The following MAEA variants were observed in gnomAD, a reference collection of about 807,000 sequenced individuals.
MAEA encodes macrophage erythroblast attacher, E3 ubiquitin ligase, also known as E3 ubiquitin-protein transferase MAEA.
A neutral mutation model predicts 46.2 loss-of-function variants in MAEA; 22 were observed. The observed-to-expected ratio is 0.48, with a 90% confidence interval of 0.34 to 0.68. The LOEUF is 0.68. MAEA is among the 30% of genes least tolerant of loss of function. The pLI, the probability that MAEA is intolerant of heterozygous loss-of-function variation, is 0.01. For missense variants in MAEA, 393 were observed against 558.1 expected, an observed-to-expected ratio of 0.70 and a Z score of 2.98; for synonymous variants, 246 against 222.6, an observed-to-expected ratio of 1.11 and a Z score of -0.94.
At chr4:1,328,574 A>G (rs1739137730) in intron 5 of MAEA, 6 of 1,164,948 alleles carry the variant, frequency 5.2e-6, no homozygotes, top group Middle Eastern at 2.5e-4. Context: ...TGTGTTTGCC[A>G]GGAGGGGGCA....
In MAEA at chr4:1,333,924, A is replaced by G. The variant is rs1229889065; in HGVS notation, c.765+1059A>G. On this transcript the variant is annotated intron_variant, in intron 6 of 8. Coordinates refer to ENST00000303400, the MANE Select transcript of MAEA (RefSeq NM_001017405.3). ...CCCATGCCCACCTGTGCTCACCCCC[A>G]TGCCCACTCCCGTGCCCATGTGCCC... Among the ~76,000 whole-genome samples, 145 of 24,786 alleles carry G rather than the reference A, an allele frequency of 5.9e-3. 5 individuals carry two copies. Among genetic ancestry groups the G allele is most frequent in the South Asian group, 0.048 (19 of 392 alleles). The allele number at this position is 24,786 out of a possible 152,430, so 16.3% of individuals were successfully genotyped here.
At chr4:1,305,714 CAT>C (rs750149721) in intron 1 of MAEA, among the ~76,000 whole-genome samples, 130 of 152,250 alleles carry the variant, frequency 8.5e-4, no homozygotes, top group Non-Finnish European at 1.5e-3. Context: ...GTGGCACCCA[CAT>C]GTGTGTGTGC....
In MAEA at chr4:1,315,598, G is replaced by C; in HGVS notation, c.454G>C (p.Glu152Gln). The change falls in exon 3 of 9, where the codon GAG (glutamate) becomes CAG (glutamine). Residue 152 changes from glutamate to glutamine, a missense_variant and splice_region_variant. Glu to Gln is a conservative substitution (Grantham distance 29). Coordinates refer to ENST00000303400, the MANE Select transcript of MAEA (RefSeq NM_001017405.3). ...AVKLARQSGI[E>Q]DLVNIEMFLT... Reference sequence around the variant, plus strand: ...CAAGCTGGCGCGCCAGAGCGGCATCGAGGTGGGTGCCCGCCAGACGCAGGC... The same window carrying C: ...CAAGCTGGCGCGCCAGAGCGGCATCCAGGTGGGTGCCCGCCAGACGCAGGC... 1 of 1,612,688 alleles carries C rather than the reference G, an allele frequency of 6.2e-7. No homozygotes were observed. The highest frequency in any genetic ancestry group is 8.5e-7 in the Non-Finnish European group (1 of 1,179,624).
At chr4:1,309,952 T>C in intron 1 of MAEA, 2 of 1,261,892 alleles carry the variant, frequency 1.6e-6, no homozygotes, top group Non-Finnish European at 2.0e-6. Flanking sequence ...CTAAGGGACG[T>C]CCAGAGAGGC....
At chr4:1,333,271 G>T (rs1343427556) in intron 6 of MAEA, among the ~76,000 whole-genome samples, 1 of 151,844 alleles carries the variant, frequency 6.6e-6, no homozygotes, top group Non-Finnish European at 1.5e-5. Context: ...AGCCCATAAG[G>T]TTGAGGCTGC....
intron 1 of MAEA, chr4:1,309,883 G>GC: frequency 7.6e-7 from 1 of 1,308,562 alleles, no homozygotes; most frequent in East Asian, 2.9e-5. Context: ...GAGGCGGACG[G>GC]CCCGGCAGGG....
chr4:1,317,824 T>C (rs1415778688), intron 3 of MAEA, among the ~76,000 whole-genome samples: 1 of 152,050 alleles, frequency 6.6e-6, no homozygotes, highest in Non-Finnish European at 1.5e-5. Flanking sequence ...CCTGCAGTCT[T>C]GTTGAGTTTC....
intron 6 of MAEA, among the ~76,000 whole-genome samples, chr4:1,334,325 G>A (rs1375005290): frequency 6.6e-6 from 1 of 152,000 alleles, no homozygotes; most frequent in Non-Finnish European, 1.5e-5. Flanking sequence ...CCACCCTGTA[G>A]GGACTGCAAA....
At chr4:1,308,436 C>T (rs1371362991) in intron 1 of MAEA, among the ~76,000 whole-genome samples, 1 of 152,230 alleles carries the variant, frequency 6.6e-6, no homozygotes, top group Non-Finnish European at 1.5e-5. Flanking sequence ...TCCTGGGACC[C>T]TGCCTTCAGT....
chr4:1,305,421 G>A (rs1419191430), intron 1 of MAEA, among the ~76,000 whole-genome samples: 2 of 152,212 alleles, frequency 1.3e-5, no homozygotes, highest in Non-Finnish European at 2.9e-5. Context: ...ACACACCGTG[G>A]TTTGTTTACC....
At chr4:1,338,683 C>G in intron 8 of MAEA, 66 bp downstream of exon 8, 3 of 1,160,686 alleles carry the variant, frequency 2.6e-6, no homozygotes, top group Non-Finnish European at 3.4e-6. Context: ...CTGTGTGGGA[C>G]GGGCAGGGCA....
chr4:1,296,420 C>CAT (rs147314573), intron 1 of MAEA, among the ~76,000 whole-genome samples: 1 of 110,038 alleles, frequency 9.1e-6, no homozygotes, highest in African/African-American at 4.1e-5. Context: ...CACCTGTACC[C>CAT]CTCACCCATG....
At chr4:1,319,165 A>G (rs1202567392) in intron 3 of MAEA, among the ~76,000 whole-genome samples, 1 of 152,172 alleles carries the variant, frequency 6.6e-6, no homozygotes, top group African/African-American at 2.4e-5. Flanking sequence ...CAGCCTGGGC[A>G]GCAAAGTGAG....
intron 4 of MAEA, chr4:1,323,475 A>G (rs1470813136): frequency 1.4e-6 from 1 of 702,462 alleles, no homozygotes; most frequent in Non-Finnish European, 2.6e-6. Flanking sequence ...ACCAGCCAGG[A>G]GTGACACACT....
intron 1 of MAEA, among the ~76,000 whole-genome samples, chr4:1,296,418 C>G (rs1734713328): frequency 1.2e-5 from 1 of 86,472 alleles, no homozygotes; most frequent in South Asian, 4.4e-4. Flanking sequence ...CTCACCTGTA[C>G]CCCTCACCCA....
intron 2 of MAEA, 192 bp downstream of exon 2, chr4:1,312,353 G>A (rs1346694838): frequency 2.5e-5 from 15 of 612,198 alleles, no homozygotes; most frequent in South Asian, 2.1e-4. Flanking sequence ...TGTAGGGACC[G>A]TGTTGTCTTG....
chr4:1,313,510 G>A lies in MAEA; in HGVS notation c.252+1349G>A, dbSNP rs527703701. 7.2e-5 allele frequency among the ~76,000 whole-genome samples: 11 copies of A among 152,230 alleles called. No homozygotes were observed. In the East Asian group the frequency reaches 1.4e-3, roughly 19 times the overall value. On this transcript the variant is annotated intron_variant, in intron 2 of 8. Coordinates refer to ENST00000303400, the MANE Select transcript of MAEA (RefSeq NM_001017405.3). ...GAAAGCTGAGGCAGCAGAATCACTT[G>A]AGCGCAGGAGTTTGAGACCAGCCTG...
chr4:1,336,341 C>G (rs1051501057), intron 6 of MAEA, among the ~76,000 whole-genome samples: 1 of 150,742 alleles, frequency 6.6e-6, no homozygotes, highest in African/African-American at 2.4e-5. Flanking sequence ...ATTTTGAAAT[C>G]AGAGAAGTCA....
intron 1 of MAEA, chr4:1,310,026 G>A (rs1215935146): frequency 8.5e-7 from 1 of 1,177,362 alleles, no homozygotes; most frequent in Non-Finnish European, 1.1e-6. Flanking sequence ...GTTCCTCCGC[G>A]CGAGCGAGGG....
Sources: gnomAD v4.1 joint callset for allele counts (sites outside exome capture counted in the v4.1 genomes callset) on GRCh38, gnomAD v4.1.1 for gene constraint, MANE v1.5 for transcripts, NCBI Gene and HGNC (gene_info 2026-07-23, HGNC 2026-07-21) for gene names.